RNU4-1: variants seen among roughly 807,000 people sequenced by gnomAD.
RNU4-1 encodes RNA, U4A small nuclear.
exon 1 of RNU4-1, chr12:120,293,194 T>C (rs193103222): frequency 2.6e-5 from 4 of 152,314 alleles, no homozygotes; most frequent in African/African-American, 7.2e-5. Flanking sequence ...TAATCGCGCC[T>C]CGGATAGACC....
chr12:120,293,207 A>T (rs561977805), exon 1 of RNU4-1: 2 of 152,172 alleles, frequency 1.3e-5, no homozygotes, highest in African/African-American at 4.8e-5. Flanking sequence ...GATAGACCTC[A>T]TTGGCTACGA....
exon 1 of RNU4-1, chr12:120,293,198 A>C (rs537957615): frequency 2.6e-5 from 4 of 152,308 alleles, no homozygotes; most frequent in East Asian, 1.9e-4. Flanking sequence ...CGCGCCTCGG[A>C]TAGACCTCAT....
At chr12:120,293,142 A>G (rs1240456978) in exon 1 of RNU4-1, 1 of 152,220 alleles carries the variant, frequency 6.6e-6, no homozygotes, top group African/African-American at 2.4e-5. Context: ...CTATATTGCA[A>G]GTCGTCACGG....
exon 1 of RNU4-1, chr12:120,293,210 G>C (rs142168584): frequency 6.6e-6 from 1 of 152,152 alleles, no homozygotes; most frequent in Admixed American, 6.6e-5. Context: ...AGACCTCATT[G>C]GCTACGATAC....
chr12:120,293,119 T>G (rs577102426), exon 1 of RNU4-1: 3 of 152,148 alleles, frequency 2.0e-5, no homozygotes, highest in African/African-American at 7.2e-5. Context: ...CTGTCAAAAA[T>G]TGCCAGTGCC....
chr12:120,293,215 C>G (rs181443527), exon 1 of RNU4-1: 5 of 152,158 alleles, frequency 3.3e-5, no homozygotes, highest in Admixed American at 6.6e-5. Context: ...TCATTGGCTA[C>G]GATACTGCCA....
chr12:120,293,095 A>G (rs1032594106), downstream of RNU4-1: 7 of 152,124 alleles, frequency 4.6e-5, no homozygotes, highest in African/African-American at 1.4e-4. Context: ...AAGAAAATTC[A>G]GTCTCCGTAG....
chr12:120,293,195 C>G (rs185525528), exon 1 of RNU4-1: 1 of 152,148 alleles, frequency 6.6e-6, no homozygotes. Context: ...AATCGCGCCT[C>G]GGATAGACCT....
chr12:120,293,202 A>G (rs889561956), exon 1 of RNU4-1: 4 of 152,080 alleles, frequency 2.6e-5, no homozygotes, highest in African/African-American at 4.8e-5. Context: ...CCTCGGATAG[A>G]CCTCATTGGC....
rs1566457357 is a variant in RNU4-1 at position 120,293,100 on chromosome 12, C to CCGTAGA, written n.132_137dup. ...GTTCAACTGCAAGAAAATTCAGTCT[C>CCGTAGA]CGTAGAGACTGTCAAAAATTGCCAG... On this transcript the variant is annotated non_coding_transcript_exon_variant, in exon 1 of 1. Transcript: ENST00000363925. 3.3e-5 allele frequency: 5 copies of CCGTAGA among 152,230 alleles called. No homozygotes were observed. The East Asian group carries it at 9.6e-4, about 29-fold the overall frequency. The allele number at this position is 152,230 out of a possible 1,614,324, so 9.4% of individuals were successfully genotyped here. A position where few individuals can be genotyped will look rare whatever the true frequency, so the allele number is the denominator to read the frequency against.
exon 1 of RNU4-1, chr12:120,293,154 G>C (rs187264295): frequency 6.6e-6 from 1 of 152,126 alleles, no homozygotes; most frequent in Non-Finnish European, 1.5e-5. Context: ...TCGTCACGGC[G>C]GGGTATTGGG....
exon 1 of RNU4-1, chr12:120,293,232 A>C (rs867265125): frequency 6.6e-6 from 1 of 152,196 alleles, no homozygotes; most frequent in Non-Finnish European, 1.5e-5. Context: ...GCCACTGCGC[A>C]AAGCTAATTT....
exon 1 of RNU4-1, chr12:120,293,107 G>T (rs185337837): frequency 1.1e-4 from 16 of 152,056 alleles, no homozygotes; most frequent in African/African-American, 3.1e-4. Context: ...TCTCCGTAGA[G>T]ACTGTCAAAA....
chr12:120,293,192 C>T (rs1252056834), exon 1 of RNU4-1: 8 of 152,166 alleles, frequency 5.3e-5, no homozygotes, highest in African/African-American at 7.2e-5. Context: ...AATAATCGCG[C>T]CTCGGATAGA....
At chr12:120,293,217 A>G (rs560460935) in exon 1 of RNU4-1, 9 of 152,294 alleles carry the variant, frequency 5.9e-5, no homozygotes, top group Admixed American at 2.6e-4. Context: ...ATTGGCTACG[A>G]TACTGCCACT....
At chr12:120,293,178 T>TA (rs749393360) in exon 1 of RNU4-1, 3 of 152,258 alleles carry the variant, frequency 2.0e-5, no homozygotes, top group Non-Finnish European at 4.4e-5. Flanking sequence ...AGTTTTCAAT[T>TA]AGCAATAATC....
At chr12:120,293,153 C>G (rs761830118) in exon 1 of RNU4-1, 6 of 152,152 alleles carry the variant, frequency 3.9e-5, no homozygotes, top group African/African-American at 9.7e-5. Context: ...GTCGTCACGG[C>G]GGGGTATTGG....
exon 1 of RNU4-1, chr12:120,293,205 T>G (rs541996424): frequency 6.6e-6 from 1 of 152,194 alleles, no homozygotes; most frequent in Non-Finnish European, 1.5e-5. Context: ...CGGATAGACC[T>G]CATTGGCTAC....
chr12:120,293,194 T>TA (rs777452905), exon 1 of RNU4-1: 3 of 152,196 alleles, frequency 2.0e-5, no homozygotes, highest in Non-Finnish European at 2.9e-5. Flanking sequence ...TAATCGCGCC[T>TA]CGGATAGACC....
Sources: allele counts gnomAD v4.1 joint callset, GRCh38; gene constraint gnomAD v4.1.1; transcripts MANE v1.5; gene names NCBI Gene and HGNC (gene_info 2026-07-23, HGNC 2026-07-21).